Variants in HTRA4 observed in about 807,000 individuals in gnomAD.
HTRA4 encodes HtrA serine peptidase 4.
A neutral mutation model predicts 49.1 loss-of-function variants in HTRA4; 46 were observed. That is an observed-to-expected ratio of 0.94 (90% confidence interval 0.74 to 1.20). HTRA4 has a LOEUF of 1.20. Ranked by LOEUF, HTRA4 falls within the 50% of genes most tolerant of loss-of-function variation. The pLI, the probability that HTRA4 is intolerant of heterozygous loss-of-function variation, is 0.00. For missense variants in HTRA4, 602 were observed against 636.9 expected (o/e 0.95, Z 0.59); for synonymous variants, 261 against 264.0 (o/e 0.99, Z 0.11).
At chr8:38,987,907 T>C (rs200076196) in intron 8 of HTRA4, 29 bp from the exon 9 acceptor site, 9 of 1,527,140 alleles carry the variant, frequency 5.9e-6, no homozygotes, top group Non-Finnish European at 7.9e-6. Context: ...TATAGTTTCA[T>C]GATCCTCTTT....
At chr8:38,976,333 G>T (rs2129426979) in intron 2 of HTRA4, among the ~76,000 whole-genome samples, 1 of 110,204 alleles carries the variant, frequency 9.1e-6, no homozygotes, top group East Asian at 2.9e-4. Flanking sequence ...CCTGGGAGGT[G>T]GTTGCAGTGA....
chr8:38,974,316 G>GGCT lies in HTRA4; in HGVS notation c.63_65dup (p.Leu23dup), dbSNP rs765363044. ...GGGCTGGGACGATGCCTCCTGCCGGGGCTGCTGCTGCTCCTGGTGCCCGTC... is the reference window on the plus strand; with the variant it reads ...GGGCTGGGACGATGCCTCCTGCCGGGGCTGCTGCTGCTGCTCCTGGTGCCCGTC... On this transcript the variant is annotated inframe_insertion, in exon 1 of 9. Coordinates refer to ENST00000302495, the MANE Select transcript of HTRA4 (RefSeq NM_153692.4). 2 of 1,613,052 alleles carry GGCT rather than the reference G, an allele frequency of 1.2e-6. No individual in the cohort carries two copies. The highest frequency in any genetic ancestry group is 1.7e-5 in the Admixed American group (1 of 59,988).
In HTRA4 at chr8:38,981,762, T is replaced by G. The variant is rs777434156; in HGVS notation, c.1109T>G (p.Met370Arg). 1.2e-6 allele frequency: 2 copies of G among 1,607,720 alleles called. No homozygotes were observed. The highest frequency in any genetic ancestry group is 4.5e-5 in the East Asian group (2 of 44,852). Residue 370 changes from methionine to arginine, a missense_variant, in exon 6 of 9, where the codon ATG becomes AGG. By Grantham distance (91) the Met-to-Arg change is moderately conservative. Coordinates refer to ENST00000302495, the MANE Select transcript of HTRA4 (RefSeq NM_153692.4). ...TTGGCAGAATACCATGAGCACCAGA[T>G]GAAAGGTAAAGCAAGTTGGGATTTT... The part of the protein sequence containing the change: ...QFLAEYHEHQ[M>R]KGKAFSNKKY...
Position 38,982,481 on chromosome 8 carries a change from A to G in HTRA4, c.1115-17A>G, listed in dbSNP as rs759435415. On this transcript the variant is annotated splice_polypyrimidine_tract_variant and intron_variant, in intron 6 of 8. Transcript: ENST00000302495. ...GAAAGAGGTTTTGTTGTAACACATC[A>G]TAACTTTCCTTTCCAGGAAAGGCGT... 5.6e-5 allele frequency: 91 copies of G among 1,611,712 alleles called. No individual in the cohort carries two copies. Among genetic ancestry groups the G allele is most frequent in the Non-Finnish European group, 7.4e-5 (87 of 1,177,858 alleles).
intron 4 of HTRA4, 23 bp downstream of exon 4, chr8:38,978,170 GC>G: frequency 1.3e-6 from 2 of 1,594,340 alleles, no homozygotes; most frequent in Non-Finnish European, 8.6e-7. Context: ...GGACAGAGGT[GC>G]CCAACCCATG....
chr8:38,979,026 C>T (rs937466485), intron 4 of HTRA4, among the ~76,000 whole-genome samples, 189 bp from the exon 5 acceptor site: 2 of 151,248 alleles, frequency 1.3e-5, no homozygotes, highest in African/African-American at 4.9e-5. Context: ...GGTGGTGGTC[C>T]CACTGCTATA....
intron 5 of HTRA4, 101 bp downstream of exon 5, chr8:38,979,348 A>G (rs1445184041): frequency 1.2e-5 from 13 of 1,077,540 alleles, no homozygotes; most frequent in Non-Finnish European, 1.9e-5. Flanking sequence ...TAATCCCAGC[A>G]CATTTGGGAT....
intron 5 of HTRA4, among the ~76,000 whole-genome samples, chr8:38,980,839 C>T (rs139571578): frequency 3.2e-4 from 48 of 152,168 alleles, no homozygotes; most frequent in African/African-American, 1.1e-3. Context: ...TATTTTCTAC[C>T]TCATACCTTT....
intron 8 of HTRA4, 24 bp from the exon 9 acceptor site, chr8:38,987,912 C>T: frequency 6.6e-7 from 1 of 1,524,018 alleles, no homozygotes; most frequent in Non-Finnish European, 8.8e-7. Context: ...TTTCATGATC[C>T]TCTTTTTTTT....
At chr8:38,984,490 T>C (rs1835461269) in intron 8 of HTRA4, among the ~76,000 whole-genome samples, 1 of 151,874 alleles carries the variant, frequency 6.6e-6, no homozygotes, top group Non-Finnish European at 1.5e-5. Context: ...CTCACGCCTG[T>C]AATCCCAGTA....
At chr8:38,980,530 C>G (rs1465213893) in intron 5 of HTRA4, among the ~76,000 whole-genome samples, 1 of 151,330 alleles carries the variant, frequency 6.6e-6, no homozygotes, top group East Asian at 1.9e-4. Flanking sequence ...GAGTTCAAAA[C>G]CAGCCTGGCC....
intron 6 of HTRA4, 49 bp from the exon 7 acceptor site, chr8:38,982,449 C>T (rs375232321): frequency 4.4e-5 from 68 of 1,529,572 alleles, no homozygotes; most frequent in Non-Finnish European, 5.9e-5. Context: ...TTAAGCTGCG[C>T]TAACAGGAAA....
chr8:38,979,344 C>T, intron 5 of HTRA4, 97 bp downstream of exon 5: 2 of 1,136,770 alleles, frequency 1.8e-6, no homozygotes, highest in South Asian at 1.2e-5. Flanking sequence ...CCTGTAATCC[C>T]AGCACATTTG....
chr8:38,982,997 T>C lies in HTRA4; in HGVS notation c.1217T>C (p.Val406Ala). ...ATGCATTATCCAGATTTCCCTGATG[T>C]GAGTTCTGGGGTTTATGTATGTAAA... ...LKMHYPDFPD[V>A]SSGVYVCKVV... is the part of the protein sequence containing the mutation. Residue 406 changes from valine to alanine, a missense_variant, in exon 8 of 9, where the codon GTG becomes GCG. Val to Ala is a moderately conservative substitution (Grantham distance 64). Transcript: ENST00000302495. 1 of 1,613,912 alleles carries C rather than the reference T, an allele frequency of 6.2e-7. No homozygotes were observed. Among genetic ancestry groups the C allele is most frequent in the Non-Finnish European group, 8.5e-7 (1 of 1,179,784 alleles).
Position 38,974,314 on chromosome 8 carries a change from G to A in HTRA4, c.51G>A (p.Pro17=), listed in dbSNP as rs1477559075. 1.9e-6 allele frequency: 3 copies of A among 1,612,828 alleles called. 1 individual carries two copies. The South Asian group carries it at 3.3e-5, about 18-fold the overall frequency. The part of the protein sequence containing the change: ...RTAGLGRCLL[P]GLLLLLVPVL... ...CGGGGCTGGGACGATGCCTCCTGCC[G>A]GGGCTGCTGCTGCTCCTGGTGCCCG... Residue 17 remains proline, a synonymous_variant, in exon 1 of 9, where the codon CCG becomes CCA. Transcript: ENST00000302495.
chr8:38,980,003 G>C (rs1255332193), intron 5 of HTRA4, among the ~76,000 whole-genome samples: 15 of 152,192 alleles, frequency 9.9e-5, no homozygotes. Context: ...TGAGAGAAAA[G>C]CCACAACCAG....
rs142959633 is a variant in HTRA4, at chr8:38,978,303, A to G, written c.966+156A>G. 1.9e-4 allele frequency among the ~76,000 whole-genome samples: 29 copies of G among 152,328 alleles called. No homozygotes were observed. The East Asian group carries it at 4.2e-3, about 22-fold the overall frequency. Reference sequence around the variant, plus strand: ...CTCCTGTCAGATCAGTGGCGGCATTAAATTCTCATAGGAGTGCAAACCCTA... The same window carrying G: ...CTCCTGTCAGATCAGTGGCGGCATTGAATTCTCATAGGAGTGCAAACCCTA... On this transcript the variant is annotated intron_variant, in intron 4 of 8. Transcript: ENST00000302495.
In HTRA4 at chr8:38,974,786, G is replaced by T. The variant is rs1835324927; in HGVS notation, c.466+57G>T. 1.0e-5 allele frequency: 14 copies of T among 1,399,042 alleles called. No individual in the cohort carries two copies. The East Asian group carries it at 3.6e-4, about 36-fold the overall frequency. The allele number at this position is 1,399,042 out of a possible 1,614,324, so 86.7% of individuals were successfully genotyped here. A position where few individuals can be genotyped will look rare whatever the true frequency, so the allele number is the denominator to read the frequency against. On this transcript the variant is annotated intron_variant, in intron 1 of 8. Transcript: ENST00000302495. Reference sequence around the variant, plus strand: ...CTTTCTAACTCTGGAGGAGCGTAAAGGAACAAGACCTCACTGAGACCGCAC... The same window carrying T: ...CTTTCTAACTCTGGAGGAGCGTAAATGAACAAGACCTCACTGAGACCGCAC...
Position 38,974,612 on chromosome 8 carries a change from G to C in HTRA4, c.349G>C (p.Gly117Arg). Residue 117 changes from glycine to arginine, a missense_variant, in exon 1 of 9, where the codon GGC (glycine) becomes CGC (arginine). Coordinates refer to ENST00000302495, the MANE Select transcript of HTRA4 (RefSeq NM_153692.4). ...GCPTLGGAVC[G>R]SDRRTYPSMC... ...CCCGACGCTGGGAGGGGCCGTGTGC[G>C]GCAGCGACAGGCGCACCTACCCCAG... 7.0e-7 allele frequency: 1 copy of C among 1,425,330 alleles called. No homozygotes were observed. The highest frequency in any genetic ancestry group is 9.1e-7 in the Non-Finnish European group (1 of 1,096,628). 88.3% of individuals were successfully genotyped at this position (1,425,330 alleles called of 1,614,324 possible). A position where few individuals can be genotyped will look rare whatever the true frequency, so the allele number is the denominator to read the frequency against.
Sources: gnomAD v4.1 joint callset for allele counts (sites outside exome capture counted in the v4.1 genomes callset) on GRCh38, gnomAD v4.1.1 for gene constraint, MANE v1.5 for transcripts, NCBI Gene and HGNC (gene_info 2026-07-23, HGNC 2026-07-21) for gene names.